Variants in GIPC2 observed in about 807,000 individuals in gnomAD.
GIPC2 encodes the protein PDZ domain-containing protein GIPC2.
In GIPC2, 30 loss-of-function variants were observed where a neutral mutation model predicts 30.6. The ratio of observed to expected loss-of-function variants is 0.98; its 90% CI spans 0.73 to 1.33. GIPC2 has a LOEUF of 1.33. Ranked by LOEUF, GIPC2 falls within the 40% of genes most tolerant of loss-of-function variation. The probability of loss-of-function intolerance (pLI) is 0.00; values close to 1 mark genes in which losing one functional copy is unlikely to be tolerated. For missense variants in GIPC2, 414 were observed against 390.3 expected, an observed-to-expected ratio of 1.06 and a Z score of -0.51; for synonymous variants, 167 against 150.0, an observed-to-expected ratio of 1.11 and a Z score of -0.83.
intron 1 of GIPC2, among the ~76,000 whole-genome samples, chr1:78,058,734 G>T (rs867015382): frequency 6.6e-6 from 1 of 152,126 alleles, no homozygotes; most frequent in African/African-American, 2.4e-5. Context: ...AAGAATCTTG[G>T]TGTTTATTAT....
chr1:78,118,837 A>G (rs1662622458), intron 3 of GIPC2, among the ~76,000 whole-genome samples: 1 of 152,172 alleles, frequency 6.6e-6, no homozygotes, highest in Admixed American at 6.5e-5. Flanking sequence ...CAGTTCCCTT[A>G]TCAGTAAAAT....
chr1:78,133,450 A>G (rs1485305720), intron 5 of GIPC2, among the ~76,000 whole-genome samples: 1 of 152,206 alleles, frequency 6.6e-6, no homozygotes, highest in Non-Finnish European at 1.5e-5. Flanking sequence ...GCATTTAAGC[A>G]TGAAAAACAC....
chr1:78,080,005 C>A (rs1460687072), intron 1 of GIPC2, among the ~76,000 whole-genome samples: 1 of 152,044 alleles, frequency 6.6e-6, no homozygotes, highest in Non-Finnish European at 1.5e-5. Flanking sequence ...CCCCCTCCCC[C>A]CTTTTTAAAT....
At chr1:78,085,397 T>G (rs1404907501) in intron 2 of GIPC2, among the ~76,000 whole-genome samples, 1 of 152,188 alleles carries the variant, frequency 6.6e-6, no homozygotes, top group Non-Finnish European at 1.5e-5. Flanking sequence ...TTTTCTTTTT[T>G]GGTTGTGTCT....
intron 1 of GIPC2, among the ~76,000 whole-genome samples, chr1:78,078,866 A>C (rs1661771522): frequency 6.7e-6 from 1 of 150,350 alleles, no homozygotes; most frequent in African/African-American, 2.4e-5. Context: ...ACAACAAACC[A>C]AGGAGGAGAA....
At chr1:78,092,119 G>A in intron 2 of GIPC2, 2 of 1,034,200 alleles carry the variant, frequency 1.9e-6, no homozygotes, top group South Asian at 1.3e-5. Flanking sequence ...TGGAAAAGTA[G>A]CAGGGTGTTC....
intron 2 of GIPC2, 156 bp from the exon 3 acceptor site, chr1:78,094,796 G>GTT: frequency 1.9e-6 from 1 of 535,014 alleles, no homozygotes; most frequent in South Asian, 3.1e-5. Flanking sequence ...CTGTTACACA[G>GTT]TTTTTTTTTA....
intron 1 of GIPC2, among the ~76,000 whole-genome samples, chr1:78,054,484 G>A (rs1032285539): frequency 8.5e-5 from 13 of 152,102 alleles, no homozygotes; most frequent in South Asian, 2.1e-4. Flanking sequence ...GATCTTTTTC[G>A]GAAGAAGCAA....
chr1:78,079,406 A>G (rs1661785026), intron 1 of GIPC2, among the ~76,000 whole-genome samples: 1 of 152,178 alleles, frequency 6.6e-6, no homozygotes, highest in South Asian at 2.1e-4. Context: ...CATGGCCTAA[A>G]AAGCCATTCA....
intron 5 of GIPC2, among the ~76,000 whole-genome samples, chr1:78,135,390 A>G (rs1377323770): frequency 2.0e-5 from 3 of 152,186 alleles, no homozygotes; most frequent in Non-Finnish European, 4.4e-5. Context: ...CAGTGGACAC[A>G]TTGTTGAAAA....
intron 1 of GIPC2, among the ~76,000 whole-genome samples, chr1:78,049,584 A>C (rs1661156982): frequency 6.6e-6 from 1 of 152,190 alleles, no homozygotes. Flanking sequence ...ATAGCACTAC[A>C]TGAAGAGCTA....
chr1:78,058,064 G>A (rs1661328929), intron 1 of GIPC2, among the ~76,000 whole-genome samples: 1 of 152,086 alleles, frequency 6.6e-6, no homozygotes, highest in Non-Finnish European at 1.5e-5. Context: ...TCATTTATAT[G>A]GCCACTCTTA....
At chr1:78,120,976 G>T (rs1275757165) in intron 4 of GIPC2, among the ~76,000 whole-genome samples, 1 of 152,168 alleles carries the variant, frequency 6.6e-6, no homozygotes, top group Non-Finnish European at 1.5e-5. Flanking sequence ...GTTCACTGCT[G>T]CATCCCCAGC....
At position 78,119,089 on chromosome 1, in the gene GIPC2, C is replaced by T. The variant is rs566760103; in HGVS notation, c.608-304C>T. 9.2e-5 allele frequency among the ~76,000 whole-genome samples: 14 copies of T among 152,090 alleles called. No individual in the cohort carries two copies. The South Asian group carries it at 2.1e-3, about 23-fold the overall frequency. On this transcript the variant is annotated intron_variant, in intron 3 of 5. Transcript: ENST00000370759. ...TGTGACTTTGATGAAACCACTTACT[C>T]CTCTTTACTCTTTTTGTAGAGCCTA...
chr1:78,082,949 T>C (rs1373912960), intron 2 of GIPC2, among the ~76,000 whole-genome samples: 4 of 152,098 alleles, frequency 2.6e-5, no homozygotes, highest in South Asian at 2.1e-4. Flanking sequence ...CACACACATA[T>C]ATATATATAT....
rs567944664 is a variant in GIPC2 at position 78,119,440 on chromosome 1, G to T, written c.655G>T (p.Gly219Cys). 2.5e-6 allele frequency: 4 copies of T among 1,613,132 alleles called. No homozygotes were observed. In the African/African-American group the frequency reaches 5.3e-5, roughly 22 times the overall value. The change falls in exon 4 of 6, where the codon GGT (glycine) becomes TGT (cysteine). Residue 219 changes from glycine to cysteine, a missense_variant. Gly to Cys is a radical substitution (Grantham distance 159). Transcript: ENST00000370759. ...TGGAAAGTCATCAGGAGAAAAAATTGGTTGTGGAAGGGCAACACTTCGCCT... is the reference window on the plus strand; with the variant it reads ...TGGAAAGTCATCAGGAGAAAAAATTTGTTGTGGAAGGGCAACACTTCGCCT... ...KAGKSSGEKI[G>C]CGRATLRLRS...
chr1:78,073,603 A>G (rs1005041852), intron 1 of GIPC2, among the ~76,000 whole-genome samples: 1 of 152,166 alleles, frequency 6.6e-6, no homozygotes, highest in African/African-American at 2.4e-5. Flanking sequence ...AATTTGTTCC[A>G]GAGATCTTTG....
chr1:78,074,046 T>C (rs1269084950), intron 1 of GIPC2, among the ~76,000 whole-genome samples: 1 of 152,150 alleles, frequency 6.6e-6, no homozygotes, highest in Non-Finnish European at 1.5e-5. Flanking sequence ...TGAAGGATAG[T>C]TTTTTTATGA....
chr1:78,065,825 G>C (rs1010599171), intron 1 of GIPC2, among the ~76,000 whole-genome samples: 47 of 152,242 alleles, frequency 3.1e-4, no homozygotes, highest in African/African-American at 1.1e-3. Context: ...ATGGTGCTGG[G>C]ATGACTGGCT....
Sources: gnomAD v4.1 joint callset for allele counts (sites outside exome capture counted in the v4.1 genomes callset) on GRCh38, gnomAD v4.1.1 for gene constraint, MANE v1.5 for transcripts, NCBI Gene and HGNC (gene_info 2026-07-23, HGNC 2026-07-21) for gene names.